HHAT: variants seen among roughly 807,000 people sequenced by gnomAD.
HHAT encodes protein-cysteine N-palmitoyltransferase HHAT.
Under a neutral mutation model 70.8 loss-of-function variants are expected in HHAT, and 47 were observed. That is an observed-to-expected ratio of 0.66 (90% CI 0.53 to 0.85). HHAT has a LOEUF of 0.85. Among genes scored for constraint, HHAT ranks in the 40% least tolerant of loss-of-function variants. The pLI, the probability that HHAT is intolerant of heterozygous loss-of-function variation, is 0.00. For synonymous variants in HHAT, 228 were observed against 247.6 expected (o/e 0.92, Z 0.74); for missense variants, 609 against 604.8 (o/e 1.01, Z -0.07).
At chr1:210,568,912 G>A (rs1013932186) in intron 9 of HHAT, among the ~76,000 whole-genome samples, 4 of 152,138 alleles carry the variant, frequency 2.6e-5, no homozygotes, top group Non-Finnish European at 4.4e-5. Context: ...ATCAGAAATG[G>A]GGCTCAGTTT....
At position 210,366,412 on chromosome 1, in the gene HHAT, T is replaced by A. The variant is rs367777508; in HGVS notation, c.159+3493T>A. 2.3e-4 allele frequency among the ~76,000 whole-genome samples: 35 copies of A among 152,204 alleles called. No homozygotes were observed. The East Asian group carries it at 2.3e-3, about 10-fold the overall frequency. ...TTGGGAAGGCTAAGACCAGCGATCA[T>A]TGAGGTCAGGAGTAGCCTGGCCAAC... is the stretch of plus-strand genomic sequence containing the variant. On this transcript the variant is annotated intron_variant, in intron 3 of 11. Transcript: ENST00000261458.
intron 9 of HHAT, among the ~76,000 whole-genome samples, chr1:210,524,950 G>A (rs1238103549): frequency 1.3e-5 from 2 of 152,070 alleles, no homozygotes; most frequent in Non-Finnish European, 2.9e-5. Flanking sequence ...AAGTGAGGGT[G>A]GGTTGTGGCA....
chr1:210,647,984 A>G (rs531000794), intron 11 of HHAT, among the ~76,000 whole-genome samples: 2 of 152,268 alleles, frequency 1.3e-5, no homozygotes, highest in African/African-American at 4.8e-5. Context: ...GTGCTTAACT[A>G]CTGACAGCTT....
chr1:210,364,757 G>C (rs1000770836), intron 3 of HHAT, among the ~76,000 whole-genome samples: 2 of 152,258 alleles, frequency 1.3e-5, no homozygotes, highest in Non-Finnish European at 2.9e-5. Flanking sequence ...GTCCTGCAGA[G>C]ATGACCCCTT....
intron 10 of HHAT, among the ~76,000 whole-genome samples, chr1:210,603,079 C>T (rs987358300): frequency 4.6e-5 from 7 of 152,180 alleles, no homozygotes; most frequent in African/African-American, 1.2e-4. Context: ...GACTGATGAG[C>T]GCCAGGACTG....
chr1:210,613,658 C>T (rs1341563866), intron 10 of HHAT, among the ~76,000 whole-genome samples: 1 of 152,124 alleles, frequency 6.6e-6, no homozygotes, highest in Non-Finnish European at 1.5e-5. Flanking sequence ...CAAAGAATGT[C>T]ATTGGGATTT....
chr1:210,506,878 A>G (rs1338182119), intron 8 of HHAT, among the ~76,000 whole-genome samples: 1 of 152,262 alleles, frequency 6.6e-6, no homozygotes, highest in African/African-American at 2.4e-5. Flanking sequence ...TCTTGCCCTT[A>G]TGAAGTTTTT....
intron 9 of HHAT, among the ~76,000 whole-genome samples, chr1:210,556,991 G>T (rs1016852044): frequency 6.6e-6 from 1 of 152,214 alleles, no homozygotes; most frequent in Non-Finnish European, 1.5e-5. Flanking sequence ...GGACCCAGAT[G>T]TGAGGCTTCC....
chr1:210,400,530 T>C lies in HHAT; in HGVS notation c.336T>C (p.Pro112=). 1 of 1,614,118 alleles carries C rather than the reference T, an allele frequency of 6.2e-7. No individual in the cohort carries two copies. Among genetic ancestry groups the C allele is most frequent in the Non-Finnish European group, 8.5e-7 (1 of 1,180,014 alleles). Reference sequence around the variant, plus strand: ...CCTGCTGGTGTGTGCTGGGGACCCCTGGTGTGGCTATGGTTTTGCTCCATA... The same window carrying C: ...CCTGCTGGTGTGTGCTGGGGACCCCCGGTGTGGCTATGGTTTTGCTCCATA... ...MWACWCVLGT[P]GVAMVLLHTT... is the part of the protein sequence containing the mutation. The change falls in exon 5 of 12, where the codon CCT becomes CCC. Residue 112 remains proline (P), a synonymous_variant. Transcript: ENST00000261458.
intron 8 of HHAT, among the ~76,000 whole-genome samples, chr1:210,502,383 C>CAA (rs1177468677): frequency 0.014 from 1,190 of 86,994 alleles, 60 homozygotes; most frequent in African/African-American, 0.047. Flanking sequence ...GACTCAGTCT[C>CAA]AAAAAAAAAA....
intron 8 of HHAT, among the ~76,000 whole-genome samples, chr1:210,465,271 C>G (rs1376717752): frequency 6.6e-6 from 1 of 152,136 alleles, no homozygotes; most frequent in Non-Finnish European, 1.5e-5. Flanking sequence ...AATTTTCTTT[C>G]TTTTCTAGAT....
chr1:210,636,963 T>C (rs1671980109), intron 11 of HHAT, among the ~76,000 whole-genome samples: 1 of 152,190 alleles, frequency 6.6e-6, no homozygotes, highest in Non-Finnish European at 1.5e-5. Flanking sequence ...TGAGCCACTT[T>C]ACTAGTATGG....
At chr1:210,440,022 A>G (rs1013786110) in intron 7 of HHAT, among the ~76,000 whole-genome samples, 1 of 151,792 alleles carries the variant, frequency 6.6e-6, no homozygotes, top group Non-Finnish European at 1.5e-5. Context: ...CGCTGACTAG[A>G]AGAGATAAGA....
At chr1:210,465,902 CAAGGAATTGCAAGG>C (rs913528498) in intron 8 of HHAT, among the ~76,000 whole-genome samples, 1 of 149,014 alleles carries the variant, frequency 6.7e-6, no homozygotes, top group Non-Finnish European at 1.5e-5. Flanking sequence ...GAATGAATTG[CAAGGAATTGCAAGG>C]AATGAATTGC....
chr1:210,653,445 G>C (rs1181512249), intron 11 of HHAT, among the ~76,000 whole-genome samples: 3 of 151,294 alleles, frequency 2.0e-5, no homozygotes, highest in Non-Finnish European at 2.9e-5. Context: ...TGGGAGAATT[G>C]CTTGAGCCTA....
chr1:210,398,845 G>T (rs1225716937), intron 4 of HHAT, among the ~76,000 whole-genome samples: 4 of 152,158 alleles, frequency 2.6e-5, no homozygotes, highest in Non-Finnish European at 5.9e-5. Flanking sequence ...GCAAATTTAT[G>T]TGGCTGTTTT....
intron 9 of HHAT, among the ~76,000 whole-genome samples, chr1:210,575,009 A>G (rs1558193080): frequency 1.3e-5 from 2 of 152,196 alleles, no homozygotes; most frequent in Non-Finnish European, 2.9e-5. Context: ...AGAAACCCAT[A>G]GTTCACATGC....
chr1:210,471,301 T>G (rs894853221), intron 8 of HHAT, among the ~76,000 whole-genome samples: 4 of 152,120 alleles, frequency 2.6e-5, no homozygotes, highest in Non-Finnish European at 4.4e-5. Context: ...CTGCCGCAAT[T>G]TATTTGAGAA....
At chr1:210,460,479 A>G (rs1183877466) in intron 7 of HHAT, among the ~76,000 whole-genome samples, 2 of 152,216 alleles carry the variant, frequency 1.3e-5, no homozygotes, top group East Asian at 1.9e-4. Context: ...TAAATGTTCA[A>G]TGAATGGTGT....
Sources: allele counts gnomAD v4.1 joint callset (sites outside exome capture counted in the v4.1 genomes callset), GRCh38; gene constraint gnomAD v4.1.1; transcripts MANE v1.5; gene names NCBI Gene and HGNC (gene_info 2026-07-23, HGNC 2026-07-21).